GPR132: variants seen among roughly 807,000 people sequenced by gnomAD.
GPR132 encodes G protein-coupled receptor 132, also known as probable G protein-coupled receptor 132.
GPR132 carries 4 observed loss-of-function variants against 1.9 expected under a neutral mutation model. The observed-to-expected ratio is 2.13, with a 90% confidence interval of 1.05 to 4.87. GPR132 has a LOEUF of 4.87. Ranked by LOEUF, GPR132 falls within the 30% of genes most tolerant of loss-of-function variation. GPR132 has a pLI of 0.01. For missense variants in GPR132, 404 were observed against 512.5 expected (o/e 0.79, Z 2.04); for synonymous variants, 233 against 234.2 (o/e 0.99, Z 0.05).
At chr14:105,052,242 T>G in intron 3 of GPR132, 140 bp from the exon 4 acceptor site, 1 of 624,274 alleles carries the variant, frequency 1.6e-6, no homozygotes, top group East Asian at 2.8e-5. Flanking sequence ...CCAAATTGAT[T>G]TTTTAGAGCA....
chr14:105,061,708 T>G (rs1426619347), intron 1 of GPR132, among the ~76,000 whole-genome samples: 1 of 151,792 alleles, frequency 6.6e-6, no homozygotes, highest in Non-Finnish European at 1.5e-5. Flanking sequence ...AGGCTTCCTG[T>G]GTTGTTCCAC....
intron 1 of GPR132, among the ~76,000 whole-genome samples, chr14:105,062,912 A>ATTTG (rs199688890): frequency 3.4e-5 from 5 of 148,538 alleles, no homozygotes; most frequent in Admixed American, 1.3e-4. Flanking sequence ...CTCTTGCTTT[A>ATTTG]TTTGTTTGTT....
At position 105,060,779 on chromosome 14, in the gene GPR132, C is replaced by T. The variant is rs7144647; in HGVS notation, c.-860-3499G>A. ...CTCTTGCTGGTCCAGGGCTGTGCCG[C>T]CCAGTCACGCCAATGCCAGCCGGCA... On this transcript the variant is annotated intron_variant, in intron 1 of 3. Transcript: ENST00000329797. The surrounding 1 kb of genome is among the most constrained non-coding windows in gnomAD (Gnocchi z 6.3). 0.55 allele frequency among the ~76,000 whole-genome samples: 83,435 copies of T among 152,196 alleles called. 26,011 individuals are homozygous for T. The highest frequency in any genetic ancestry group is 0.71 in the Non-Finnish European group (48,276 of 67,992).
Position 105,060,639 on chromosome 14 carries a change from C to T in GPR132, c.-860-3359G>A, listed in dbSNP as rs1886916177. Among the ~76,000 whole-genome samples, 2 of 152,236 alleles carry T rather than the reference C, an allele frequency of 1.3e-5. No homozygotes were observed. Among genetic ancestry groups the T allele is most frequent in the Admixed American group, 1.3e-4 (2 of 15,288 alleles). ...GCACATGGAGCCACTGCCTGAGGCCCCTGGGCCCCATCAGAACGCCTGAGC... is the reference window on the plus strand; with the variant it reads ...GCACATGGAGCCACTGCCTGAGGCCTCTGGGCCCCATCAGAACGCCTGAGC... On this transcript the variant is annotated intron_variant, in intron 1 of 3. Transcript: ENST00000329797. The surrounding 1 kb of genome is among the most constrained non-coding windows in gnomAD (Gnocchi z 6.3).
At chr14:105,053,165 T>C (rs935753844) in intron 3 of GPR132, among the ~76,000 whole-genome samples, 7 of 142,668 alleles carry the variant, frequency 4.9e-5, no homozygotes, top group Admixed American at 1.4e-4. Flanking sequence ...TTTTTTTTTT[T>C]TTTTTGGAGA....
In GPR132 at chr14:105,060,917, G is replaced by A. The variant is rs758831536; in HGVS notation, c.-860-3637C>T. The stretch of plus-strand genomic sequence containing the variant: ...AGCCGCAGGCAGAGGCTCACAGCGA[G>A]GCCCCTCTGGGATCCAGGCCTGTAT... On this transcript the variant is annotated intron_variant, in intron 1 of 3. Transcript: ENST00000329797. This position sits in a 1 kb window ranked among gnomAD's most constrained non-coding sequence, Gnocchi z 6.3. Among the ~76,000 whole-genome samples, 1 of 152,248 alleles carries A rather than the reference G, an allele frequency of 6.6e-6. No individual in the cohort carries two copies. The highest frequency in any genetic ancestry group is 1.5e-5 in the Non-Finnish European group (1 of 68,044).
At chr14:105,063,744 G>C (rs1887010839) in intron 1 of GPR132, among the ~76,000 whole-genome samples, 1 of 152,190 alleles carries the variant, frequency 6.6e-6, no homozygotes, top group African/African-American at 2.4e-5. Context: ...CCTGGCCCCT[G>C]CCATGTGCAG....
intron 1 of GPR132, among the ~76,000 whole-genome samples, chr14:105,061,079 AGGATGCCT>A (rs1336833033): frequency 2.0e-5 from 3 of 152,236 alleles, no homozygotes; most frequent in African/African-American, 7.2e-5. Context: ...CAGCCTGGCG[AGGATGCCT>A]GGAAAGAGTC....
intron 3 of GPR132, among the ~76,000 whole-genome samples, chr14:105,054,790 A>G (rs1360167210): frequency 2.0e-5 from 3 of 149,292 alleles, no homozygotes; most frequent in Non-Finnish European, 3.0e-5. Context: ...CTGTAATCCC[A>G]GCACTTTGGG....
In GPR132 at chr14:105,050,877, T is replaced by G; in HGVS notation, c.*117A>C. 1 of 929,534 alleles carries G rather than the reference T, an allele frequency of 1.1e-6. No individual in the cohort carries two copies. Among genetic ancestry groups the G allele is most frequent in the Non-Finnish European group, 1.6e-6 (1 of 621,662 alleles). 57.6% of individuals were successfully genotyped at this position (929,534 alleles called of 1,614,324 possible). On this transcript the variant is annotated 3_prime_UTR_variant, in exon 4 of 4. Transcript: ENST00000329797. The surrounding 1 kb of genome is among the most constrained non-coding windows in gnomAD (Gnocchi z 4.0). Reference sequence around the variant, plus strand: ...AGGGAGTGGCTTCAGGAACGAGAAATTGGTAGTTTGTCTTCCAGAGGGGAC... The same window carrying G: ...AGGGAGTGGCTTCAGGAACGAGAAAGTGGTAGTTTGTCTTCCAGAGGGGAC...
At chr14:105,061,252 C>T (rs1445555021) in intron 1 of GPR132, among the ~76,000 whole-genome samples, 1 of 152,262 alleles carries the variant, frequency 6.6e-6, no homozygotes, top group African/African-American at 2.4e-5. Flanking sequence ...CTGCACCAGC[C>T]CTTTGCTTAT....
chr14:105,054,378 C>T, intron 3 of GPR132: 1 of 985,344 alleles, frequency 1.0e-6, no homozygotes, highest in Non-Finnish European at 1.2e-6. Flanking sequence ...GGGCAAGTCA[C>T]CCCGAACGGG....
Position 105,056,281 on chromosome 14 carries a change from G to T in GPR132, c.-746-115C>A. ...GGGGGGCAGTGAAGGCAGTTCTCGG[G>T]TGGGAGGCCCAACGCCTGTGTTTGC... is the stretch of plus-strand genomic sequence containing the variant. On this transcript the variant is annotated intron_variant, in intron 2 of 3. Coordinates refer to ENST00000329797, the MANE Select transcript of GPR132 (RefSeq NM_013345.4). This position sits in a 1 kb window ranked among gnomAD's most constrained non-coding sequence, Gnocchi z 6.0. The T allele has an allele frequency of 4.9e-6, 2 of 410,422 alleles. No homozygotes were observed. Among genetic ancestry groups the T allele is most frequent in the Non-Finnish European group, 6.6e-6 (2 of 304,256 alleles). 25.4% of individuals were successfully genotyped at this position (410,422 alleles called of 1,614,324 possible).
In GPR132 at chr14:105,050,126, C is replaced by G. The variant is rs1187714363; in HGVS notation, c.*868G>C. Reference sequence around the variant, plus strand: ...CAAGGCCTTTGCGGCAGACCCAGATCTGACTCAGCCCCGAGGGTGCAGGGA... The same window carrying G: ...CAAGGCCTTTGCGGCAGACCCAGATGTGACTCAGCCCCGAGGGTGCAGGGA... On this transcript the variant is annotated 3_prime_UTR_variant, in exon 4 of 4. Coordinates refer to ENST00000329797, the MANE Select transcript of GPR132 (RefSeq NM_013345.4). This position sits in a 1 kb window ranked among gnomAD's most constrained non-coding sequence, Gnocchi z 4.0. 6.6e-6 allele frequency: 1 copy of G among 152,330 alleles called. No homozygotes were observed. The highest frequency in any genetic ancestry group is 1.5e-5 in the Non-Finnish European group (1 of 68,100). 9.4% of individuals were successfully genotyped at this position (152,330 alleles called of 1,614,324 possible).
intron 3 of GPR132, chr14:105,053,821 T>C: frequency 6.4e-6 from 4 of 621,744 alleles, no homozygotes; most frequent in Non-Finnish European, 8.2e-6. Context: ...TAGCTGACAG[T>C]AAAATAAAGA....
At position 105,051,369 on chromosome 14, in the gene GPR132, G is replaced by T. The variant is rs548478287; in HGVS notation, c.768C>A (p.Ala256=). Residue 256 remains alanine (A), a synonymous_variant, in exon 4 of 4, where the codon GCC becomes GCA. Transcript: ENST00000329797. This position sits in a 1 kb window ranked among gnomAD's most constrained non-coding sequence, Gnocchi z 8.0. ...TGACGAGGAGAACCAGGTGGTACGG[G>T]GCGAAGCAGACTAGGAAGATGACAA... ...AVVVIFLVCF[A]PYHLVLLVKA... is the part of the protein sequence containing the mutation. The T allele has an allele frequency of 3.2e-5, 51 of 1,614,120 alleles. No homozygotes were observed. In the East Asian group the frequency reaches 6.7e-4, roughly 21 times the overall value.
rs374588020 is a variant in GPR132 at position 105,055,396 on chromosome 14, C to T, written c.25G>A (p.Gly9Ser). Reference protein sequence around the residue: MCPMLLKNGYNGNATPVTT... With the variant: MCPMLLKNSYNGNATPVTT... ...ATAACAAGGAATTTACCATTGTAAC[C>T]GTTTTTCAGTAGCATTGGGCACATT... Residue 9 changes from glycine (G) to serine (S), a missense_variant, in exon 3 of 4, where the codon GGT (glycine) becomes AGT (serine). By Grantham distance (56) the Gly-to-Ser change is moderately conservative (BLOSUM62 0). Coordinates refer to ENST00000329797, the MANE Select transcript of GPR132 (RefSeq NM_013345.4). The surrounding 1 kb of genome is among the most constrained non-coding windows in gnomAD (Gnocchi z 4.7). The T allele has an allele frequency of 1.7e-5, 13 of 781,006 alleles. No individual in the cohort carries two copies. Among genetic ancestry groups the T allele is most frequent in the African/African-American group, 3.4e-5 (2 of 59,254 alleles). 48.4% of individuals were successfully genotyped at this position (781,006 alleles called of 1,614,324 possible). A position where few individuals can be genotyped will look rare whatever the true frequency, so the allele number is the denominator to read the frequency against.
Position 105,049,625 on chromosome 14 carries a change from G to C in GPR132, c.*1369C>G, listed in dbSNP as rs974485121. The C allele has an allele frequency of 6.6e-5, 10 of 151,988 alleles. No homozygotes were observed. Among genetic ancestry groups the C allele is most frequent in the African/African-American group, 2.4e-4 (10 of 41,348 alleles). The allele number at this position is 151,988 out of a possible 1,614,324, so 9.4% of individuals were successfully genotyped here. A position where few individuals can be genotyped will look rare whatever the true frequency, so the allele number is the denominator to read the frequency against. ...TCTGATGACTCTCAAGGGGAGGATG[G>C]CTGTTTTGGCTGGGTGTGGTGGTGC... On this transcript the variant is annotated 3_prime_UTR_variant, in exon 4 of 4. Coordinates refer to ENST00000329797, the MANE Select transcript of GPR132 (RefSeq NM_013345.4).
rs1205649628 is a variant in GPR132, at chr14:105,059,985, C to T, written c.-860-2705G>A. On this transcript the variant is annotated intron_variant, in intron 1 of 3. Transcript: ENST00000329797. This position sits in a 1 kb window ranked among gnomAD's most constrained non-coding sequence, Gnocchi z 4.2. The stretch of plus-strand genomic sequence containing the variant: ...AAAAGCCATCTCCAAAGTGATGCCC[C>T]CTTGGCGGTGGGTGGTGTGGGCCGG... Among the ~76,000 whole-genome samples the T allele has an allele frequency of 1.3e-5, 2 of 152,262 alleles. No homozygotes were observed. Among genetic ancestry groups the T allele is most frequent in the African/African-American group, 2.4e-5 (1 of 41,472 alleles).
Sources: gnomAD v4.1 joint callset for allele counts (sites outside exome capture counted in the v4.1 genomes callset) on GRCh38, gnomAD v4.1.1 for gene constraint, Gnocchi (gnomAD v3.1) non-coding constraint, MANE v1.5 for transcripts, NCBI Gene and HGNC (gene_info 2026-07-23, HGNC 2026-07-21) for gene names.